PURG: variants seen among roughly 807,000 people sequenced by gnomAD.
PURG encodes purine-rich element-binding protein gamma.
A neutral mutation model predicts 24.3 loss-of-function variants in PURG; 3 were observed. The ratio of observed to expected loss-of-function variants is 0.12; its 90% CI spans 0.06 to 0.32. The LOEUF (loss-of-function observed/expected upper bound fraction) is 0.32. Ranked by LOEUF, PURG falls within the 10% of genes least tolerant of loss-of-function variation. The pLI is 1.00. For missense variants in PURG, 371 were observed against 439.1 expected (o/e 0.84, Z 1.39); for synonymous variants, 180 against 173.1 (o/e 1.04, Z -0.31).
intron 1 of PURG, among the ~76,000 whole-genome samples, chr8:31,015,677 C>A (rs940660549): frequency 1.3e-5 from 2 of 152,116 alleles, no homozygotes; most frequent in African/African-American, 4.8e-5. Flanking sequence ...TTCCAGTAAT[C>A]ACTGCCCAGA....
chr8:30,999,554 G>C (rs899267258), intron 1 of PURG, among the ~76,000 whole-genome samples: 16 of 151,828 alleles, frequency 1.1e-4, no homozygotes, highest in Non-Finnish European at 5.9e-5. Flanking sequence ...GTTTGATTTT[G>C]ACTCTAAAGC....
intron 1 of PURG, among the ~76,000 whole-genome samples, chr8:31,013,492 C>A (rs1023667037): frequency 6.6e-6 from 1 of 152,130 alleles, no homozygotes; most frequent in African/African-American, 2.4e-5. Context: ...AATCCCAGCA[C>A]TTTGGAAGCA....
chr8:31,006,207 T>C (rs1421430266), intron 1 of PURG, among the ~76,000 whole-genome samples: 3 of 152,050 alleles, frequency 2.0e-5, no homozygotes, highest in Admixed American at 2.0e-4. Context: ...TAAAAATAAG[T>C]AAGTGAGAAA....
chr8:30,998,176 AG>A (rs1398182632), intron 1 of PURG, among the ~76,000 whole-genome samples: 2 of 151,870 alleles, frequency 1.3e-5, no homozygotes, highest in African/African-American at 2.4e-5. Flanking sequence ...AAATGATTGT[AG>A]ACTAACTTAG....
intron 1 of PURG, among the ~76,000 whole-genome samples, chr8:31,004,755 G>A (rs903932197): frequency 1.8e-4 from 28 of 152,168 alleles, no homozygotes; most frequent in African/African-American, 6.5e-4. Context: ...ACTATAAAGC[G>A]ATGGAAACAG....
chr8:31,032,956 C>A lies in PURG; in HGVS notation c.-7+122G>T, dbSNP rs1811278286. 1 of 241,010 alleles carries A rather than the reference C, an allele frequency of 4.1e-6. No individual in the cohort carries two copies. The allele number at this position is 241,010 out of a possible 1,614,324, so 14.9% of individuals were successfully genotyped here. Reference sequence around the variant, plus strand: ...CCAGCCACTGCCGGCCGGTTGGCGGCCGCCGCTCCGGCTCTGCCCGCGCTC... The same window carrying A: ...CCAGCCACTGCCGGCCGGTTGGCGGACGCCGCTCCGGCTCTGCCCGCGCTC... On this transcript the variant is annotated intron_variant, in intron 1 of 1. Coordinates refer to ENST00000523392, the MANE Select transcript of PURG (RefSeq NM_001323311.2). This position sits in a 1 kb window ranked among gnomAD's most constrained non-coding sequence, Gnocchi z 5.9.
chr8:31,024,279 A>C (rs1811052150), intron 1 of PURG, among the ~76,000 whole-genome samples: 2 of 151,990 alleles, frequency 1.3e-5, no homozygotes, highest in Non-Finnish European at 2.9e-5. Context: ...ACACTTTCCA[A>C]CTCTGGTATT....
At chr8:31,005,588 G>A (rs1018290629) in intron 1 of PURG, among the ~76,000 whole-genome samples, 2 of 151,916 alleles carry the variant, frequency 1.3e-5, no homozygotes, top group African/African-American at 4.8e-5. Flanking sequence ...ACTGAGGAGG[G>A]GTACATGGGA....
At chr8:31,029,568 T>C (rs1383284241), downstream of PURG, among the ~76,000 whole-genome samples, 13 of 151,370 alleles carry the variant, frequency 8.6e-5, no homozygotes, top group Non-Finnish European at 1.5e-4. Flanking sequence ...ACCCAAAAGG[T>C]AAAAGGAAAT....
At chr8:31,008,538 A>T (rs957178452) in intron 1 of PURG, among the ~76,000 whole-genome samples, 4 of 152,190 alleles carry the variant, frequency 2.6e-5, no homozygotes, top group African/African-American at 9.7e-5. Context: ...GCCTGACCTC[A>T]AGTGAGGCCC....
At chr8:31,002,910 T>C (rs1009950142) in intron 1 of PURG, among the ~76,000 whole-genome samples, 6 of 152,236 alleles carry the variant, frequency 3.9e-5, no homozygotes, top group African/African-American at 1.4e-4. Flanking sequence ...AATTAATTAC[T>C]ACAACCAAAA....
Position 31,031,620 on chromosome 8 carries a change from A to T in PURG, c.*119T>A. The T allele has an allele frequency of 1.2e-6, 1 of 807,820 alleles. No individual in the cohort carries two copies. Among genetic ancestry groups the T allele is most frequent in the Non-Finnish European group, 1.9e-6 (1 of 522,690 alleles). The allele number at this position is 807,820 out of a possible 1,614,324, so 50.0% of individuals were successfully genotyped here. A position where few individuals can be genotyped will look rare whatever the true frequency, so the allele number is the denominator to read the frequency against. ...CAGACTTCCTGAAGTATCAACTACT[A>T]GAGGTATTACTAATAACAACGGGCC... On this transcript the variant is annotated 3_prime_UTR_variant, in exon 2 of 2. Transcript: ENST00000523392.
At chr8:30,998,119 A>T (rs1055005234) in intron 1 of PURG, among the ~76,000 whole-genome samples, 1 of 151,840 alleles carries the variant, frequency 6.6e-6, no homozygotes. Flanking sequence ...CTGTCCAAAA[A>T]TTGTTCAATG....
At chr8:30,999,733 A>G (rs1054164870) in intron 1 of PURG, among the ~76,000 whole-genome samples, 2 of 152,140 alleles carry the variant, frequency 1.3e-5, no homozygotes, top group East Asian at 1.9e-4. Flanking sequence ...TCATACTGGT[A>G]TAGCACAGAT....
At chr8:31,000,150 T>A (rs1810509709) in intron 1 of PURG, among the ~76,000 whole-genome samples, 1 of 152,064 alleles carries the variant, frequency 6.6e-6, no homozygotes. Flanking sequence ...CAGCAAAAAA[T>A]ATGATGCATG....
chr8:30,996,324 C>A, exon 2 of PURG: 1 of 260,492 alleles, frequency 3.8e-6, no homozygotes, highest in Non-Finnish European at 7.3e-6. Context: ...CTCTCTACCT[C>A]AAGGCTGACA....
At position 30,999,987 on chromosome 8, in the gene PURG, AC is replaced by A. The variant is rs201008028; in HGVS notation, c.865-3291del. Reference sequence around the variant, plus strand: ...GTGTTTTCCTTTAAAATAAAAAAAAACCACACTGGTTTAATTACCCTGTTTT... The same window carrying A: ...GTGTTTTCCTTTAAAATAAAAAAAAACACACTGGTTTAATTACCCTGTTTT... On this transcript the variant is annotated intron_variant, in intron 1 of 1. Transcript: ENST00000339382. 6.7e-5 allele frequency among the ~76,000 whole-genome samples: 10 copies of A among 149,022 alleles called. No homozygotes were observed. The South Asian group carries it at 8.5e-4, about 13-fold the overall frequency.
At chr8:31,019,538 G>C (rs1810953437) in intron 1 of PURG, among the ~76,000 whole-genome samples, 1 of 151,166 alleles carries the variant, frequency 6.6e-6, no homozygotes, top group Non-Finnish European at 1.5e-5. Flanking sequence ...TCACTATGTA[G>C]GTCAAGCTGA....
At chr8:31,021,971 C>CTTTCT (rs1655245390) in intron 1 of PURG, among the ~76,000 whole-genome samples, 2 of 136,952 alleles carry the variant, frequency 1.5e-5, no homozygotes, top group South Asian at 4.6e-4. Context: ...TCATTTCTTT[C>CTTTCT]TTTTTTTTTT....
Sources: allele counts gnomAD v4.1 joint callset (sites outside exome capture counted in the v4.1 genomes callset), GRCh38; gene constraint gnomAD v4.1.1; non-coding constraint Gnocchi (gnomAD v3.1); transcripts MANE v1.5; gene names NCBI Gene and HGNC (gene_info 2026-07-23, HGNC 2026-07-21).